The following FAM227B variants were observed in gnomAD, a reference collection of about 807,000 sequenced individuals.
The protein encoded by FAM227B is family with sequence similarity 227 member B.
A neutral mutation model predicts 73.8 loss-of-function variants in FAM227B; 88 were observed. The ratio of observed to expected loss-of-function variants is 1.19; its 90% CI spans 1.00 to 1.42. FAM227B has a LOEUF of 1.42. Among genes scored for constraint, FAM227B ranks in the 40% most tolerant of loss-of-function variants. The probability of loss-of-function intolerance (pLI) is 0.00; values close to 1 mark genes in which losing one functional copy is unlikely to be tolerated. For synonymous variants in FAM227B, 210 were observed against 190.5 expected, an observed-to-expected ratio of 1.10 and a Z score of -0.84; for missense variants, 632 against 590.9, an observed-to-expected ratio of 1.07 and a Z score of -0.72.
intron 10 of FAM227B, among the ~76,000 whole-genome samples, chr15:49,525,982 C>T (rs2060175468): frequency 6.6e-6 from 1 of 151,676 alleles, no homozygotes; most frequent in South Asian, 2.1e-4. Flanking sequence ...CACTGACAGA[C>T]CTAGATACCA....
chr15:49,344,845 G>A (rs1016410848), intron 13 of FAM227B, among the ~76,000 whole-genome samples: 18 of 152,098 alleles, frequency 1.2e-4, no homozygotes, highest in Admixed American at 6.6e-4. Flanking sequence ...TTTAATGCCC[G>A]TCTTACTCCC....
chr15:49,563,965 A>G (rs1222278524), intron 9 of FAM227B, among the ~76,000 whole-genome samples: 1 of 152,220 alleles, frequency 6.6e-6, no homozygotes, highest in Non-Finnish European at 1.5e-5. Context: ...AAGCAACTAC[A>G]ACAAAAATAG....
At chr15:49,424,666 T>C in intron 11 of FAM227B, 1 of 1,125,454 alleles carries the variant, frequency 8.9e-7, no homozygotes, top group Non-Finnish European at 1.2e-6. Flanking sequence ...CTCATCTTCC[T>C]TTTGCTTCTT....
chr15:49,346,036 T>C (rs1336195006), intron 13 of FAM227B, among the ~76,000 whole-genome samples: 1 of 146,318 alleles, frequency 6.8e-6, no homozygotes, highest in African/African-American at 2.5e-5. Flanking sequence ...TTGCTTTTGG[T>C]CACTTGCTTT....
chr15:49,351,359 T>TA lies in FAM227B; in HGVS notation c.1272-15864dup, dbSNP rs1167515593. Reference sequence around the variant, plus strand: ...TTTCCTGGAAGATACGGAAAGAAGATACGGCCAATTCCGCCCAAACTCTGG... The same window carrying TA: ...TTTCCTGGAAGATACGGAAAGAAGATAACGGCCAATTCCGCCCAAACTCTGG... On this transcript the variant is annotated intron_variant, in intron 13 of 15. Coordinates refer to ENST00000299338, the MANE Select transcript of FAM227B (RefSeq NM_152647.3). Among the ~76,000 whole-genome samples the TA allele has an allele frequency of 3.3e-5, 5 of 152,342 alleles. No individual in the cohort carries two copies. In the South Asian group the frequency reaches 1.0e-3, roughly 32 times the overall value.
At chr15:49,605,530 G>A (rs1242155424) in intron 3 of FAM227B, among the ~76,000 whole-genome samples, 4 of 152,302 alleles carry the variant, frequency 2.6e-5, no homozygotes, top group South Asian at 2.1e-4. Context: ...TGGTGCTGGG[G>A]TGGGCCTCGA....
chr15:49,540,452 A>C (rs1034386500), intron 10 of FAM227B, among the ~76,000 whole-genome samples: 6 of 152,124 alleles, frequency 3.9e-5, no homozygotes, highest in African/African-American at 1.4e-4. Context: ...TTTGACTCTT[A>C]ACCCCTTCTA....
intron 14 of FAM227B, among the ~76,000 whole-genome samples, chr15:49,334,560 C>T (rs928331362): frequency 8.5e-5 from 13 of 152,188 alleles, no homozygotes; most frequent in Middle Eastern, 3.4e-3. Context: ...GGTGTCCATC[C>T]GTTTTTCCCA....
intron 11 of FAM227B, chr15:49,485,084 T>C (rs900169922): frequency 1.3e-4 from 20 of 152,108 alleles, no homozygotes; most frequent in African/African-American, 4.8e-4. Flanking sequence ...ATAAAATAGA[T>C]AATTTAACAA....
At chr15:49,587,882 T>G in intron 5 of FAM227B, 134 bp downstream of exon 5, 1 of 753,024 alleles carries the variant, frequency 1.3e-6, no homozygotes, top group East Asian at 4.0e-5. Context: ...CTTTAAAACA[T>G]AGAGATAGAT....
intron 13 of FAM227B, among the ~76,000 whole-genome samples, chr15:49,342,047 C>G (rs549019939): frequency 1.3e-5 from 2 of 152,154 alleles, no homozygotes; most frequent in Non-Finnish European, 2.9e-5. Context: ...CTCTTATGTC[C>G]TATTGGTTAA....
In FAM227B at chr15:49,454,673, G is replaced by A. The variant is rs180743359; in HGVS notation, c.1012+53538C>T. 1.3e-4 allele frequency among the ~76,000 whole-genome samples: 20 copies of A among 152,216 alleles called. No individual in the cohort carries two copies. In the East Asian group the frequency reaches 3.3e-3, roughly 25 times the overall value. On this transcript the variant is annotated intron_variant, in intron 11 of 15. Coordinates refer to ENST00000299338, the MANE Select transcript of FAM227B (RefSeq NM_152647.3). ...CACACAGGCTGGAGTGCAGTGGAGC[G>A]ATCTCAGCTCACTGCAACCTCTGCC...
chr15:49,404,808 T>C (rs1285303645), intron 11 of FAM227B, among the ~76,000 whole-genome samples: 1 of 149,882 alleles, frequency 6.7e-6, no homozygotes, highest in Non-Finnish European at 1.5e-5. Context: ...GTCATCATGA[T>C]GTTAGCTGGT....
rs961122944 is a variant in FAM227B at position 49,460,329 on chromosome 15, T to C, written c.1012+47882A>G. On this transcript the variant is annotated intron_variant, in intron 11 of 15. Transcript: ENST00000299338. The stretch of plus-strand genomic sequence containing the variant: ...ATAACAATATGTTGAGACAAACATA[T>C]AGCCATGCTTATGGAAGGTGAAGTT... 2.6e-5 allele frequency among the ~76,000 whole-genome samples: 4 copies of C among 152,286 alleles called. 1 individual carries two copies. Among genetic ancestry groups the C allele is most frequent in the African/African-American group, 4.8e-5 (2 of 41,562 alleles).
At position 49,489,824 on chromosome 15, in the gene FAM227B, A is replaced by ATATATATATATATATTT. The variant is rs1214604258; in HGVS notation, c.1012+18370_1012+18386dup. ...TATTTTATATATATATATATATTTTATATATATATATATATTTTATATATA... is the reference window on the plus strand; with the variant it reads ...TATTTTATATATATATATATATTTTATATATATATATATATTTTATATATATATATATTTTATATATA... On this transcript the variant is annotated intron_variant, in intron 11 of 15. Coordinates refer to ENST00000299338, the MANE Select transcript of FAM227B (RefSeq NM_152647.3). Among the ~76,000 whole-genome samples, 26 of 21,434 alleles carry ATATATATATATATATTT rather than the reference A, an allele frequency of 1.2e-3. 2 individuals are homozygous for ATATATATATATATATTT. The highest frequency in any genetic ancestry group is 1.6e-3 in the African/African-American group (9 of 5,604). The allele number at this position is 21,434 out of a possible 152,430, so 14.1% of individuals were successfully genotyped here.
chr15:49,334,218 C>T, intron 14 of FAM227B: 1 of 979,702 alleles, frequency 1.0e-6, no homozygotes, highest in Non-Finnish European at 1.2e-6. Context: ...AGAGACAAAC[C>T]TATCAAGCTC....
rs201599069 is a variant in FAM227B at position 49,335,436 on chromosome 15, G to A, written c.1332C>T (p.Asn444=). The A allele has an allele frequency of 5.6e-6, 9 of 1,611,766 alleles. No individual in the cohort carries two copies. The African/African-American group carries it at 1.2e-4, about 22-fold the overall frequency. ...CAACTTACATCCTAAAATCCTTTTG[G>A]TTCCTTGCAAATTGTCTTTTTGCCT... is the stretch of plus-strand genomic sequence containing the variant. The part of the protein sequence containing the change: ...IKEAKRQFAR[N]QKDFRILQAK... The change falls in exon 14 of 16, where the codon AAC becomes AAT. Residue 444 remains asparagine, a synonymous_variant. Transcript: ENST00000299338.
intron 11 of FAM227B, among the ~76,000 whole-genome samples, chr15:49,382,765 T>C (rs979765407): frequency 2.0e-5 from 3 of 152,118 alleles, no homozygotes; most frequent in Admixed American, 6.6e-5. Flanking sequence ...TTCTTGTTAC[T>C]AGGGTAAGAT....
At chr15:49,448,643 T>C (rs1165540699) in intron 11 of FAM227B, among the ~76,000 whole-genome samples, 3 of 151,538 alleles carry the variant, frequency 2.0e-5, no homozygotes, top group Non-Finnish European at 4.4e-5. Flanking sequence ...GATGAGCATA[T>C]ACTATTTTTT....
Sources: gnomAD v4.1 joint callset for allele counts (sites outside exome capture counted in the v4.1 genomes callset) on GRCh38, gnomAD v4.1.1 for gene constraint, MANE v1.5 for transcripts, NCBI Gene and HGNC (gene_info 2026-07-23, HGNC 2026-07-21) for gene names.